Variants in ARHGAP40 observed in about 807,000 individuals in gnomAD.
The protein encoded by ARHGAP40 is rho GTPase-activating protein 40.
Under a neutral mutation model 73.5 loss-of-function variants are expected in ARHGAP40, and 43 were observed. That is an observed-to-expected ratio of 0.58 (90% CI 0.46 to 0.75). ARHGAP40 has a LOEUF of 0.75. Ranked by LOEUF, ARHGAP40 falls within the 30% of genes least tolerant of loss-of-function variation. The pLI is 0.00. For synonymous variants in ARHGAP40, 300 were observed against 352.8 expected (o/e 0.85, Z 1.68); for missense variants, 734 against 861.8 (o/e 0.85, Z 1.86).
intron 1 of ARHGAP40, among the ~76,000 whole-genome samples, chr20:38,606,211 A>G (rs972277802): frequency 6.6e-6 from 1 of 152,164 alleles, no homozygotes; most frequent in Non-Finnish European, 1.5e-5. Flanking sequence ...ATGACTGGAC[A>G]GTACTTTTGT....
At chr20:38,610,883 C>CTTTT (rs60110231) in intron 1 of ARHGAP40, among the ~76,000 whole-genome samples, 5 of 139,042 alleles carry the variant, frequency 3.6e-5, no homozygotes, top group Non-Finnish European at 1.5e-5. Context: ...GATGTCTTTT[C>CTTTT]TTTTTTTTTT....
rs76817169 is a variant in ARHGAP40, at chr20:38,608,163, T to C, written c.137+6084T>C. Reference sequence around the variant, plus strand: ...TTTGGAGAGTTGTTCTGCACTACCATTTATTTCTTACTGACTTTGTTCTCA... The same window carrying C: ...TTTGGAGAGTTGTTCTGCACTACCACTTATTTCTTACTGACTTTGTTCTCA... On this transcript the variant is annotated intron_variant, in intron 1 of 14. Transcript: ENST00000373345. 4.1e-3 allele frequency among the ~76,000 whole-genome samples: 628 copies of C among 152,344 alleles called. 2 individuals are homozygous for C. The highest frequency in any genetic ancestry group is 0.022 in the South Asian group (104 of 4,830).
At chr20:38,632,239 C>T (rs1348058640) in intron 5 of ARHGAP40, among the ~76,000 whole-genome samples, 2 of 150,466 alleles carry the variant, frequency 1.3e-5, no homozygotes, top group Non-Finnish European at 3.0e-5. Flanking sequence ...GTTAGGATTA[C>T]AGGTATGAGC....
chr20:38,646,880 G>A lies in ARHGAP40; in HGVS notation c.1711-77G>A. The A allele has an allele frequency of 8.2e-7, 1 of 1,226,028 alleles. No homozygotes were observed. The highest frequency in any genetic ancestry group is 1.1e-6 in the Non-Finnish European group (1 of 937,850). 75.9% of individuals were successfully genotyped at this position (1,226,028 alleles called of 1,614,324 possible). ...GCATTTGCGTAAGTGCCATGTATGC[G>A]TGTTTATGCATCCACGTTGGAACTC... On this transcript the variant is annotated intron_variant, in intron 12 of 14. Coordinates refer to ENST00000373345, the Ensembl canonical transcript of ARHGAP40. This position sits in a 1 kb window ranked among gnomAD's most constrained non-coding sequence, Gnocchi z 4.5.
intron 6 of ARHGAP40, among the ~76,000 whole-genome samples, chr20:38,635,803 G>A (rs1378699046): frequency 6.6e-6 from 1 of 152,090 alleles, no homozygotes; most frequent in African/African-American, 2.4e-5. Flanking sequence ...ATCATTTAGT[G>A]GTTGTCATGA....
chr20:38,646,156 A>T lies in ARHGAP40; in HGVS notation c.1679A>T (p.Asp560Val), dbSNP rs1466752847. The T allele has an allele frequency of 1.5e-6, 2 of 1,303,808 alleles. No homozygotes were observed. Among genetic ancestry groups the T allele is most frequent in the Non-Finnish European group, 2.0e-6 (2 of 988,690 alleles). 80.8% of individuals were successfully genotyped at this position (1,303,808 alleles called of 1,614,324 possible). Residue 560 changes from aspartate (D) to valine (V), a missense_variant, in exon 12 of 15, where the codon GAC (aspartate) becomes GTC (valine). By Grantham distance (152) the Asp-to-Val change is radical (BLOSUM62 -3). Coordinates refer to ENST00000373345, the Ensembl canonical transcript of ARHGAP40. This position sits in a 1 kb window ranked among gnomAD's most constrained non-coding sequence, Gnocchi z 4.5. ...ACTTGGCTGCGGAGGATGCACGCAG[A>T]CAGGGACAAGGCGGGGGACGGCCTC... is the stretch of plus-strand genomic sequence containing the variant.
intron 9 of ARHGAP40, among the ~76,000 whole-genome samples, 170 bp downstream of exon 9, chr20:38,639,556 G>A (rs530343282): frequency 6.6e-6 from 1 of 152,376 alleles, no homozygotes; most frequent in East Asian, 1.9e-4. Flanking sequence ...AGCCCAATGT[G>A]TGCACATACA....
chr20:38,625,904 A>G (rs1293389633), intron 2 of ARHGAP40, among the ~76,000 whole-genome samples: 1 of 152,226 alleles, frequency 6.6e-6, no homozygotes. Context: ...TATATTTGGT[A>G]AGGAATTTTA....
exon 15 of ARHGAP40, chr20:38,650,512 C>A (rs144025749): frequency 4.3e-6 from 2 of 468,204 alleles, no homozygotes; most frequent in East Asian, 7.0e-5. Context: ...TGACCAGCCC[C>A]GGGAGAAATG....
intron 5 of ARHGAP40, among the ~76,000 whole-genome samples, chr20:38,631,901 T>C (rs899188731): frequency 6.6e-6 from 1 of 152,230 alleles, no homozygotes; most frequent in East Asian, 1.9e-4. Flanking sequence ...CTAGTTTCTC[T>C]TAGTGATAAT....
chr20:38,629,385 A>G, intron 4 of ARHGAP40, 117 bp from the exon 5 acceptor site: 2 of 1,079,934 alleles, frequency 1.9e-6, no homozygotes, highest in South Asian at 1.6e-5. Context: ...GGGGCTTTGA[A>G]CTTGAGCTTG....
At position 38,631,568 on chromosome 20, in the gene ARHGAP40, G is replaced by A. The variant is rs563428036; in HGVS notation, c.783+1918G>A. ...AACAGCCTGGGAAAGACCTGCCCCC[G>A]TGATTCAATTACCTCCCACAGGGCC... is the stretch of plus-strand genomic sequence containing the variant. On this transcript the variant is annotated intron_variant, in intron 5 of 14. Coordinates refer to ENST00000373345, the Ensembl canonical transcript of ARHGAP40. Among the ~76,000 whole-genome samples the A allele has an allele frequency of 4.6e-5, 7 of 152,258 alleles. No individual in the cohort carries two copies. The East Asian group carries it at 5.8e-4, about 13-fold the overall frequency.
At chr20:38,610,734 G>C (rs145271674) in intron 1 of ARHGAP40, among the ~76,000 whole-genome samples, 218 of 152,306 alleles carry the variant, frequency 1.4e-3, no homozygotes, top group African/African-American at 5.1e-3. Flanking sequence ...ATGTTTAAGA[G>C]AAGGAAGTCT....
In ARHGAP40 at chr20:38,614,952, G is replaced by T. The variant is rs113651623; in HGVS notation, c.138-8407G>T. On this transcript the variant is annotated intron_variant, in intron 1 of 14. Coordinates refer to ENST00000373345, the Ensembl canonical transcript of ARHGAP40. ...ACTGAGTACTCTCCGAAGGCTGGAG[G>T]TTTGTGCGAGTTTGTACGTGTGGTT... is the stretch of plus-strand genomic sequence containing the variant. 991 of 1,243,160 alleles carry T rather than the reference G, an allele frequency of 8.0e-4. 6 individuals carry two copies. In the African/African-American group the frequency reaches 0.012, roughly 16 times the overall value. 77.0% of individuals were successfully genotyped at this position (1,243,160 alleles called of 1,614,324 possible).
chr20:38,637,710 A>C (rs1318327169), exon 7 of ARHGAP40: 2 of 1,304,690 alleles, frequency 1.5e-6, no homozygotes, highest in South Asian at 2.5e-5. Flanking sequence ...TTCTGCAGAA[A>C]CTCGCCTCTT....
chr20:38,612,702 AAAAGAAAAGGAAAGG>A (rs985041094), intron 1 of ARHGAP40, among the ~76,000 whole-genome samples: 3 of 152,120 alleles, frequency 2.0e-5, no homozygotes, highest in African/African-American at 4.8e-5. Context: ...AAGAGATAAG[AAAAGAAAAGGAAAGG>A]AAAGAAAAGA....
exon 15 of ARHGAP40, chr20:38,649,808 A>G (rs2089077504): frequency 3.1e-6 from 4 of 1,304,974 alleles, no homozygotes; most frequent in African/African-American, 1.5e-5. Flanking sequence ...TACCGTGCCA[A>G]CCCGCATGGT....
rs143061519 is a variant in ARHGAP40 at position 38,608,029 on chromosome 20, G to A, written c.137+5950G>A. On this transcript the variant is annotated intron_variant, in intron 1 of 14. Coordinates refer to ENST00000373345, the Ensembl canonical transcript of ARHGAP40. The stretch of plus-strand genomic sequence containing the variant: ...TTGCAGATATTTCCTCTCAGTTGAG[G>A]AAAAAGGTCCTATGACATTTTTTAT... Among the ~76,000 whole-genome samples, 400 of 151,902 alleles carry A rather than the reference G, an allele frequency of 2.6e-3. 2 individuals carry two copies. The highest frequency in any genetic ancestry group is 9.1e-3 in the African/African-American group (375 of 41,360).
chr20:38,614,852 A>C, intron 1 of ARHGAP40: 2 of 912,632 alleles, frequency 2.2e-6, no homozygotes, highest in African/African-American at 1.6e-5. Flanking sequence ...CAGAACCATG[A>C]GTACCTCATC....
Sources: gnomAD v4.1 joint callset for allele counts (sites outside exome capture counted in the v4.1 genomes callset) on GRCh38, gnomAD v4.1.1 for gene constraint, Gnocchi (gnomAD v3.1) non-coding constraint, MANE v1.5 for transcripts, NCBI Gene and HGNC (gene_info 2026-07-23, HGNC 2026-07-21) for gene names.